The following SPICE1 variants were observed in gnomAD, a reference collection of about 807,000 sequenced individuals.
SPICE1 encodes spindle and centriole associated protein 1, also known as spindle and centriole-associated protein 1.
Under a neutral mutation model 102.7 loss-of-function variants are expected in SPICE1, and 75 were observed. The ratio of observed to expected loss-of-function variants is 0.73; its 90% CI spans 0.61 to 0.88. The LOEUF is 0.88. Among genes scored for constraint, SPICE1 ranks in the 40% least tolerant of loss-of-function variants. The pLI is 0.00. For missense variants in SPICE1, 979 were observed against 1,020.1 expected (o/e 0.96, Z 0.55); for synonymous variants, 308 against 350.3 (o/e 0.88, Z 1.35).
Position 113,506,500 on chromosome 3 carries a change from T to A in SPICE1, c.99+7A>T. The A allele has an allele frequency of 6.2e-7, 1 of 1,603,524 alleles. No individual in the cohort carries two copies. Among genetic ancestry groups the A allele is most frequent in the Middle Eastern group, 1.7e-4 (1 of 6,044 alleles). The stretch of plus-strand genomic sequence containing the variant: ...GTTACATTATTTACTATCCCACCTA[T>A]ACTCACATCCCATTCTTGTTTCACT... On this transcript the variant is annotated splice_region_variant and intron_variant, in intron 2 of 17. Transcript: ENST00000295872.
chr3:113,475,943 G>C (rs1225489203), intron 7 of SPICE1, among the ~76,000 whole-genome samples: 1 of 152,092 alleles, frequency 6.6e-6, no homozygotes, highest in African/African-American at 2.4e-5. Context: ...AGGGCAATTA[G>C]GCAGGAGAAG....
At chr3:113,494,024 A>G (rs372937936) in intron 5 of SPICE1, 25 bp downstream of exon 5, 1 of 1,510,962 alleles carries the variant, frequency 6.6e-7, no homozygotes, top group African/African-American at 1.4e-5. Context: ...AATAAAATAG[A>G]GAAGCTTTTG....
At chr3:113,447,539 G>A (rs1426805334) in intron 16 of SPICE1, among the ~76,000 whole-genome samples, 2 of 152,146 alleles carry the variant, frequency 1.3e-5, no homozygotes, top group East Asian at 1.9e-4. Context: ...AACGTGCAGG[G>A]ATGGGGAAAA....
chr3:113,486,210 CATAT>C (rs60309507), intron 7 of SPICE1, among the ~76,000 whole-genome samples: 1,977 of 140,958 alleles, frequency 0.014, 39 homozygotes, highest in African/African-American at 0.046. Flanking sequence ...TGACCATTCT[CATAT>C]ATATATATAT....
At chr3:113,491,689 G>C (rs968567782) in intron 6 of SPICE1, among the ~76,000 whole-genome samples, 5 of 147,438 alleles carry the variant, frequency 3.4e-5, no homozygotes, top group Non-Finnish European at 7.4e-5. Context: ...CTGATGTATA[G>C]TGGTCCTCTG....
intron 11 of SPICE1, among the ~76,000 whole-genome samples, chr3:113,464,877 C>A (rs770445179): frequency 6.6e-6 from 1 of 152,078 alleles, no homozygotes; most frequent in Non-Finnish European, 1.5e-5. Context: ...AGGGCCAAGG[C>A]GGGCGAATAG....
intron 1 of SPICE1, among the ~76,000 whole-genome samples, chr3:113,513,851 G>A (rs1285231497): frequency 6.6e-6 from 1 of 152,146 alleles, no homozygotes; most frequent in Admixed American, 6.5e-5. Flanking sequence ...CTAAAAGCGA[G>A]GCACCAGATA....
At chr3:113,496,188 T>G (rs1936881256) in intron 4 of SPICE1, among the ~76,000 whole-genome samples, 1 of 152,014 alleles carries the variant, frequency 6.6e-6, no homozygotes, top group Non-Finnish European at 1.5e-5. Flanking sequence ...AAACCCCTGT[T>G]TAGTCCCTGC....
At chr3:113,450,588 T>G in intron 14 of SPICE1, 72 bp from the exon 15 acceptor site, 3 of 1,462,406 alleles carry the variant, frequency 2.1e-6, no homozygotes, top group Non-Finnish European at 2.7e-6. Context: ...GATTTTTTTT[T>G]TTTTTTTAGG....
chr3:113,469,219 C>A lies in SPICE1; in HGVS notation c.631G>T (p.Glu211Ter). 6.3e-7 allele frequency: 1 copy of A among 1,580,048 alleles called. No homozygotes were observed. The highest frequency in any genetic ancestry group is 8.6e-7 in the Non-Finnish European group (1 of 1,162,170). The stretch of plus-strand genomic sequence containing the variant: ...TTACTAATTAACTCAAAATTCTCTT[C>A]TGTTAGTTGTTGGAGAAACCTATAA... ...NTDRFLQQLT[E>*]ENFELISKLW... Residue 211 changes from glutamate to a stop codon, truncating the protein, a stop_gained, in exon 8 of 18, where the codon GAA (glutamate) becomes TAA (stop). Transcript: ENST00000295872. LOFTEE classifies it high-confidence loss of function.
intron 1 of SPICE1, 66 bp downstream of exon 1, chr3:113,514,831 A>C (rs1171447395): frequency 8.0e-6 from 10 of 1,251,454 alleles, no homozygotes; most frequent in Non-Finnish European, 9.3e-6. Context: ...AGCGGTGCGC[A>C]CGCGCATACT....
At chr3:113,506,665 G>C in intron 1 of SPICE1, 60 bp from the exon 2 acceptor site, 1 of 1,339,774 alleles carries the variant, frequency 7.5e-7, no homozygotes, top group Admixed American at 1.9e-5. Flanking sequence ...AGCATCACCA[G>C]AGTGGGGGAA....
chr3:113,464,916 G>A (rs1936016960), intron 11 of SPICE1, among the ~76,000 whole-genome samples: 1 of 152,074 alleles, frequency 6.6e-6, no homozygotes, highest in African/African-American at 2.4e-5. Context: ...AGACCAGCCT[G>A]GGCAACATGG....
In SPICE1 at chr3:113,457,199, GC is replaced by G; in HGVS notation, c.1593del (p.Glu531AspfsTer6). The G allele has an allele frequency of 6.2e-7, 1 of 1,614,138 alleles. No homozygotes were observed. On this transcript the variant is annotated frameshift_variant, in exon 13 of 18. Coordinates refer to ENST00000295872, the MANE Select transcript of SPICE1 (RefSeq NM_144718.4). LOFTEE classifies it high-confidence loss of function. ...CTGGGTGGTGTTAACAACACAGCTG[GC>G]TCAAAAATATGTGCTGGAAAATTCT... Reference protein sequence around the residue: ...LAKNFPAHIFEPAVLLTPPRQ... With the variant: ...LAKNFPAHIFXPAVLLTPPRQ...
intron 7 of SPICE1, among the ~76,000 whole-genome samples, chr3:113,486,156 C>CATATAT (rs61506451): frequency 0.032 from 4,580 of 141,960 alleles, 143 homozygotes; most frequent in Non-Finnish European, 0.037. Flanking sequence ...CCTAAATGAC[C>CATATAT]ATATATATAT....
intron 10 of SPICE1, among the ~76,000 whole-genome samples, chr3:113,466,099 T>C (rs929076340): frequency 3.3e-5 from 5 of 152,214 alleles, no homozygotes; most frequent in Non-Finnish European, 7.3e-5. Context: ...TCTAGAAAGA[T>C]ACACTGGTAT....
intron 11 of SPICE1, among the ~76,000 whole-genome samples, chr3:113,461,976 C>T (rs1230296597): frequency 6.6e-6 from 1 of 152,126 alleles, no homozygotes; most frequent in Non-Finnish European, 1.5e-5. Context: ...TACATAAAGC[C>T]AAATTCCTCC....
chr3:113,504,232 C>T (rs976540228), intron 2 of SPICE1, among the ~76,000 whole-genome samples: 2 of 152,108 alleles, frequency 1.3e-5, no homozygotes, highest in African/African-American at 2.4e-5. Flanking sequence ...TAACTTGGCC[C>T]TTTCCAAAGC....
intron 6 of SPICE1, 119 bp downstream of exon 6, chr3:113,493,087 C>A: frequency 2.9e-6 from 2 of 691,638 alleles, no homozygotes; most frequent in Non-Finnish European, 4.7e-6. Context: ...AAGAGCAAAT[C>A]TAGCAACCAC....
Sources: gnomAD v4.1 joint callset for allele counts (sites outside exome capture counted in the v4.1 genomes callset) on GRCh38, gnomAD v4.1.1 for gene constraint, MANE v1.5 for transcripts, NCBI Gene and HGNC (gene_info 2026-07-23, HGNC 2026-07-21) for gene names.